Variants in PFKL observed in about 807,000 individuals in gnomAD.
PFKL encodes the protein ATP-dependent 6-phosphofructokinase, liver type.
PFKL carries 74 observed loss-of-function variants against 92.1 expected under a neutral mutation model. That is an observed-to-expected ratio of 0.80 (90% confidence interval 0.67 to 0.97). The LOEUF (loss-of-function observed/expected upper bound fraction) is 0.97, where lower values mean the gene tolerates loss of function less well. Among genes scored for constraint, PFKL ranks in the 50% least tolerant of loss-of-function variants. The pLI, the probability that PFKL is intolerant of heterozygous loss-of-function variation, is 0.00. For missense variants in PFKL, 1,028 were observed against 1,116.6 expected, an observed-to-expected ratio of 0.92 and a Z score of 1.13; for synonymous variants, 494 against 456.4, an observed-to-expected ratio of 1.08 and a Z score of -1.05.
chr21:44,312,112 C>T lies in PFKL; in HGVS notation c.245C>T (p.Thr82Ile), dbSNP rs1434903044. ...SVSNIIQLGG[T>I]IIGSARCKAF... ...CTGGTCTCCTCTGTGCAGGGCGGCA[C>T]TATCATTGGCAGCGCTCGCTGCAAG... Residue 82 changes from threonine to isoleucine, a missense_variant, in exon 4 of 22, where the codon ACT becomes ATT. Transcript: ENST00000349048. 1 of 1,551,202 alleles carries T rather than the reference C, an allele frequency of 6.4e-7. No homozygotes were observed. The highest frequency in any genetic ancestry group is 2.4e-5 in the East Asian group (1 of 41,258).
In PFKL at chr21:44,319,387, T is replaced by A. The variant is rs1409160462; in HGVS notation, c.1099T>A (p.Phe367Ile). The part of the protein sequence containing the change: ...EVQKAMDDKR[F>I]DEATQLRGGS... ...GCAGAAAGCCATGGATGACAAGAGGTTTGACGAGGCCACCCAGCTCCGTGG... is the reference window on the plus strand; with the variant it reads ...GCAGAAAGCCATGGATGACAAGAGGATTGACGAGGCCACCCAGCTCCGTGG... The change falls in exon 11 of 22, where the codon TTT (phenylalanine) becomes ATT (isoleucine). Residue 367 changes from phenylalanine (F) to isoleucine (I), a missense_variant. Physicochemically the swap from Phe to Ile is conservative, Grantham distance 21 (BLOSUM62 0). Coordinates refer to ENST00000349048, the MANE Select transcript of PFKL (RefSeq NM_002626.6). 1.9e-6 allele frequency: 3 copies of A among 1,613,548 alleles called. No individual in the cohort carries two copies. The African/African-American group carries it at 4.0e-5, about 22-fold the overall frequency.
intron 1 of PFKL, among the ~76,000 whole-genome samples, chr21:44,305,041 C>T (rs913137503): frequency 6.6e-6 from 1 of 152,118 alleles, no homozygotes; most frequent in African/African-American, 2.4e-5. Context: ...GCTCTGGCCC[C>T]CCTGTTGGAT....
At chr21:44,314,217 GCC>G (rs1568955449) in intron 7 of PFKL, 196 bp downstream of exon 7, 7 of 582,870 alleles carry the variant, frequency 1.2e-5, no homozygotes, top group Non-Finnish European at 2.1e-5. Flanking sequence ...CTGTGGTCCT[GCC>G]CCCAGTGGGC....
At chr21:44,309,697 T>C (rs972658552) in intron 2 of PFKL, among the ~76,000 whole-genome samples, 1 of 152,172 alleles carries the variant, frequency 6.6e-6, no homozygotes, top group Non-Finnish European at 1.5e-5. Flanking sequence ...CAGGTGGGGC[T>C]GTGGGTTTGG....
Position 44,318,463 on chromosome 21 carries a change from C to T in PFKL, c.937-7C>T, listed in dbSNP as rs1285411659. On this transcript the variant is annotated splice_region_variant and splice_polypyrimidine_tract_variant and intron_variant, in intron 9 of 21. Coordinates refer to ENST00000349048, the MANE Select transcript of PFKL (RefSeq NM_002626.6). Reference sequence around the variant, plus strand: ...GTGGGTGTGCCAGCCTGAACCCTTCCCCACAGAGCAGCAAGATGGGCATGG... The same window carrying T: ...GTGGGTGTGCCAGCCTGAACCCTTCTCCACAGAGCAGCAAGATGGGCATGG... 3.3e-6 allele frequency: 5 copies of T among 1,522,102 alleles called. No individual in the cohort carries two copies. Among genetic ancestry groups the T allele is most frequent in the Non-Finnish European group, 4.4e-6 (5 of 1,125,210 alleles). 94.3% of individuals were successfully genotyped at this position (1,522,102 alleles called of 1,614,324 possible).
At chr21:44,309,002 G>A (rs1282959120) in intron 2 of PFKL, among the ~76,000 whole-genome samples, 2 of 152,234 alleles carry the variant, frequency 1.3e-5, no homozygotes, top group Non-Finnish European at 1.5e-5. Flanking sequence ...GGGACTGGCC[G>A]TCACTGTTCC....
chr21:44,302,578 A>G (rs3788117), intron 1 of PFKL, among the ~76,000 whole-genome samples: 52,131 of 152,094 alleles, frequency 0.34, 10,037 homozygotes, highest in African/African-American at 0.52. Context: ...AGCCTGTGGC[A>G]TAGTGTGCCC....
At chr21:44,314,746 C>T (rs779624420) in intron 7 of PFKL, 2 of 152,326 alleles carry the variant, frequency 1.3e-5, no homozygotes, top group African/African-American at 2.4e-5. Flanking sequence ...AGGTCGGCCC[C>T]TTGGTGGGGT....
intron 11 of PFKL, 180 bp from the exon 12 acceptor site, chr21:44,319,904 G>C (rs1236297205): frequency 1.7e-6 from 1 of 601,056 alleles, no homozygotes; most frequent in Non-Finnish European, 3.0e-6. Flanking sequence ...TTGTGTTGGG[G>C]GTCTCGCACC....
At chr21:44,321,907 T>C in intron 13 of PFKL, 32 bp downstream of exon 13, 1 of 1,514,730 alleles carries the variant, frequency 6.6e-7, no homozygotes, top group Non-Finnish European at 8.9e-7. Context: ...AAGTGAGGAC[T>C]TGGGCCTTCT....
rs1380526526 is a variant in PFKL, at chr21:44,316,404, A to AG, written c.844-25dup. ...CTCTAGGCCGTGTGGGCTGGGGCTC[A>AG]GGGCTGGTCCTTCCCACTGTCCTGC... On this transcript the variant is annotated intron_variant, in intron 8 of 21. Transcript: ENST00000349048. 8 of 1,612,342 alleles carry AG rather than the reference A, an allele frequency of 5.0e-6. No homozygotes were observed. In the South Asian group the frequency reaches 8.8e-5, roughly 18 times the overall value.
intron 1 of PFKL, among the ~76,000 whole-genome samples, chr21:44,302,888 C>T (rs199894298): frequency 1.3e-5 from 2 of 152,154 alleles, no homozygotes; most frequent in African/African-American, 2.4e-5. Flanking sequence ...CAGGGGAGGG[C>T]GTTGTTCAAG....
At position 44,327,285 on chromosome 21, in the gene PFKL, C is replaced by T. The variant is rs1289682465; in HGVS notation, c.*423C>T. On this transcript the variant is annotated 3_prime_UTR_variant, in exon 22 of 22. Transcript: ENST00000349048. ...GGGGGATGCCCCTGGCCCTGCCTCA[C>T]TGTGACCTGCTCCTGCCCACGTGCA... is the stretch of plus-strand genomic sequence containing the variant. 9.3e-6 allele frequency: 2 copies of T among 215,470 alleles called. No individual in the cohort carries two copies. Among genetic ancestry groups the T allele is most frequent in the African/African-American group, 2.2e-5 (1 of 44,488 alleles). 13.3% of individuals were successfully genotyped at this position (215,470 alleles called of 1,614,324 possible).
intron 3 of PFKL, among the ~76,000 whole-genome samples, chr21:44,311,804 G>A (rs2047055382): frequency 6.6e-6 from 1 of 152,180 alleles, no homozygotes; most frequent in Non-Finnish European, 1.5e-5. Context: ...GCACGCACAT[G>A]TGTGTGGCAA....
At chr21:44,319,854 C>T (rs550710767) in intron 11 of PFKL, 20 of 524,734 alleles carry the variant, frequency 3.8e-5, no homozygotes, top group South Asian at 1.7e-4. Context: ...AGCTGGATGC[C>T]GGCCACGTGC....
At position 44,311,575 on chromosome 21, in the gene PFKL, G is replaced by GGACTCAGGTTCAGGCCC. The variant is rs1602014539; in HGVS notation, c.237+492_237+493insGACTCAGGTTCAGGCCC. Reference sequence around the variant, plus strand: ...TCGCACAGGGACTCAGGTTCAGGCCGACCCTGTCATCTGCTGCCATGGAAT... The same window carrying GGACTCAGGTTCAGGCCC: ...TCGCACAGGGACTCAGGTTCAGGCCGGACTCAGGTTCAGGCCCACCCTGTCATCTGCTGCCATGGAAT... On this transcript the variant is annotated intron_variant, in intron 3 of 21. Transcript: ENST00000349048. Among the ~76,000 whole-genome samples, 14 of 152,246 alleles carry GGACTCAGGTTCAGGCCC rather than the reference G, an allele frequency of 9.2e-5. No homozygotes were observed. In the East Asian group the frequency reaches 2.7e-3, roughly 29 times the overall value.
intron 2 of PFKL, among the ~76,000 whole-genome samples, chr21:44,310,060 G>A (rs894824454): frequency 1.3e-5 from 2 of 152,260 alleles, no homozygotes; most frequent in Non-Finnish European, 1.5e-5. Context: ...CGCCCTGGCC[G>A]AGGAATGGCT....
At chr21:44,321,072 T>C (rs1034442734) in intron 12 of PFKL, 1 of 152,236 alleles carries the variant, frequency 6.6e-6, no homozygotes, top group African/African-American at 2.4e-5. Context: ...TGACTGGCTT[T>C]GTGGGCAGCA....
chr21:44,326,878 CGCCCCTCCCCA>C lies in PFKL; in HGVS notation c.*22_*32del. The C allele has an allele frequency of 6.3e-7, 1 of 1,593,960 alleles. No homozygotes were observed. Among genetic ancestry groups the C allele is most frequent in the Non-Finnish European group, 8.5e-7 (1 of 1,169,864 alleles). ...GGGCTTCTGAGGCCAGCCATGCCCACGCCCCTCCCCAGCCCCCACCCATGCCAGCGCAGCGC... is the reference window on the plus strand; with the variant it reads ...GGGCTTCTGAGGCCAGCCATGCCCACGCCCCCACCCATGCCAGCGCAGCGC... On this transcript the variant is annotated 3_prime_UTR_variant, in exon 22 of 22. Transcript: ENST00000349048.
Sources: allele counts gnomAD v4.1 joint callset (sites outside exome capture counted in the v4.1 genomes callset), GRCh38; gene constraint gnomAD v4.1.1; transcripts MANE v1.5; gene names NCBI Gene and HGNC (gene_info 2026-07-23, HGNC 2026-07-21).